The following TENT4A variants were observed in gnomAD, a reference collection of about 807,000 sequenced individuals.
The protein encoded by TENT4A is DNA polymerase kappa.
Under a neutral mutation model 72.8 loss-of-function variants are expected in TENT4A, and 7 were observed. The observed-to-expected ratio is 0.10, with a 90% CI of 0.05 to 0.18. The LOEUF (loss-of-function observed/expected upper bound fraction) is 0.18. Among genes scored for constraint, TENT4A ranks in the 10% least tolerant of loss-of-function variants. The pLI, the probability that TENT4A is intolerant of heterozygous loss-of-function variation, is 1.00. For synonymous variants in TENT4A, 456 were observed against 434.3 expected (o/e 1.05, Z -0.62); for missense variants, 831 against 1,017.7 (o/e 0.82, Z 2.50).
intron 1 of TENT4A, among the ~76,000 whole-genome samples, chr5:6,727,205 T>C (rs763211300): frequency 6.6e-6 from 1 of 152,198 alleles, no homozygotes; most frequent in African/African-American, 2.4e-5. Context: ...CCTTTTCCAC[T>C]GTGTTGCCCT....
chr5:6,726,466 T>C (rs1328316534), intron 1 of TENT4A, among the ~76,000 whole-genome samples: 1 of 152,180 alleles, frequency 6.6e-6, no homozygotes, highest in Non-Finnish European at 1.5e-5. Context: ...AGCTCAGTCC[T>C]GTGGTCCTGC....
intron 1 of TENT4A, among the ~76,000 whole-genome samples, chr5:6,721,742 G>A (rs1013043006): frequency 6.6e-6 from 1 of 152,234 alleles, no homozygotes; most frequent in Non-Finnish European, 1.5e-5. Flanking sequence ...GAGGGTCCCT[G>A]TTGGCAGAGA....
rs28433511 is a variant in TENT4A at position 6,733,873 on chromosome 5, G to A, written c.717-3637G>A. 4.7e-3 allele frequency among the ~76,000 whole-genome samples: 722 copies of A among 152,234 alleles called. 5 individuals are homozygous for A. The highest frequency in any genetic ancestry group is 0.013 in the African/African-American group (526 of 41,524). Reference sequence around the variant, plus strand: ...TAAGGCAGTGAAAAGTCCTGGCAGTGTTAGTATTGAATGAGATAATCCAAA... The same window carrying A: ...TAAGGCAGTGAAAAGTCCTGGCAGTATTAGTATTGAATGAGATAATCCAAA... On this transcript the variant is annotated intron_variant, in intron 1 of 12. Transcript: ENST00000230859.
At chr5:6,738,960 G>C (rs1390262685) in intron 3 of TENT4A, among the ~76,000 whole-genome samples, 4 of 152,228 alleles carry the variant, frequency 2.6e-5, no homozygotes, top group Admixed American at 1.3e-4. Context: ...GTGCAAAAAT[G>C]CTTCATGCTG....
At chr5:6,745,195 G>A (rs368818330) in intron 6 of TENT4A, among the ~76,000 whole-genome samples, 4 of 152,230 alleles carry the variant, frequency 2.6e-5, no homozygotes, top group African/African-American at 9.6e-5. Flanking sequence ...ATAAGGAAGG[G>A]AATAAAGGTC....
Position 6,749,748 on chromosome 5 carries a change from A to C in TENT4A, c.1687+91A>C. The C allele has an allele frequency of 1.3e-5, 11 of 823,190 alleles. No individual in the cohort carries two copies. The South Asian group carries it at 1.5e-4, about 11-fold the overall frequency. 51.0% of individuals were successfully genotyped at this position (823,190 alleles called of 1,614,324 possible). ...TATTCCTTTGTGGTAAATTGGTCAAATTAAGAAAATAGCTAGTTTTTCTGA... is the reference window on the plus strand; with the variant it reads ...TATTCCTTTGTGGTAAATTGGTCAACTTAAGAAAATAGCTAGTTTTTCTGA... On this transcript the variant is annotated intron_variant, in intron 9 of 12. Transcript: ENST00000230859.
At chr5:6,750,771 G>A in intron 10 of TENT4A, 1 of 547,786 alleles carries the variant, frequency 1.8e-6, no homozygotes, top group Non-Finnish European at 3.2e-6. Context: ...ACTTCCTTGA[G>A]TAGTTTTTAA....
At chr5:6,719,713 G>A (rs1740555328) in intron 1 of TENT4A, among the ~76,000 whole-genome samples, 2 of 152,224 alleles carry the variant, frequency 1.3e-5, no homozygotes. Flanking sequence ...GCCTGAGTGA[G>A]GTGGCCAGGA....
chr5:6,746,627 G>C (rs942406161), intron 7 of TENT4A, among the ~76,000 whole-genome samples, 200 bp downstream of exon 7: 4 of 152,072 alleles, frequency 2.6e-5, no homozygotes, highest in Middle Eastern at 3.2e-3. Context: ...CTTTCTAACT[G>C]TTTACATTCT....
At chr5:6,736,403 C>A (rs1007425939) in intron 1 of TENT4A, among the ~76,000 whole-genome samples, 1 of 152,182 alleles carries the variant, frequency 6.6e-6, no homozygotes, top group African/African-American at 2.4e-5. Flanking sequence ...GCCAGCTGTT[C>A]GTTGGCCCTG....
At chr5:6,714,834 T>C (rs1579441885) in intron 1 of TENT4A, 135 bp downstream of exon 1, 1 of 377,646 alleles carries the variant, frequency 2.6e-6, no homozygotes, top group South Asian at 1.3e-4. Context: ...GGCCCGACTC[T>C]GCACTGAAAG....
intron 1 of TENT4A, among the ~76,000 whole-genome samples, chr5:6,723,198 T>C (rs1740745873): frequency 6.6e-6 from 1 of 152,022 alleles, no homozygotes; most frequent in African/African-American, 2.4e-5. Flanking sequence ...AAAGCCGCTG[T>C]TTTAATAGCA....
Position 6,751,191 on chromosome 5 carries a change from C to G in TENT4A, c.2013C>G (p.Asn671Lys). 1 of 1,614,242 alleles carries G rather than the reference C, an allele frequency of 6.2e-7. No homozygotes were observed. Among genetic ancestry groups the G allele is most frequent in the Non-Finnish European group, 8.5e-7 (1 of 1,180,042 alleles). ...CCAGAACACTGATCATGACAACCAACAATCAGGTACGTGGCCCTCTGGCAC... is the reference window on the plus strand; with the variant it reads ...CCAGAACACTGATCATGACAACCAAGAATCAGGTACGTGGCCCTCTGGCAC... ...TTSRTLIMTT[N>K]NQTRFTIPPP... Residue 671 changes from asparagine to lysine, a missense_variant, in exon 11 of 13, where the codon AAC becomes AAG. This residue lies in a region of TENT4A where 332 missense variants were observed against 324.3 expected (regional missense o/e 1.02). Coordinates refer to ENST00000230859, the MANE Select transcript of TENT4A (RefSeq NM_006999.6).
Position 6,739,781 on chromosome 5 carries a change from C to G in TENT4A, c.937C>G (p.Leu313Val). 1 of 1,614,138 alleles carries G rather than the reference C, an allele frequency of 6.2e-7. No homozygotes were observed. The highest frequency in any genetic ancestry group is 1.7e-5 in the Admixed American group (1 of 60,026). Residue 313 changes from leucine (L) to valine (V), a missense_variant, in exon 4 of 13, where the codon CTG (leucine) becomes GTG (valine). By Grantham distance (32) the Leu-to-Val change is conservative. Coordinates refer to ENST00000230859, the MANE Select transcript of TENT4A (RefSeq NM_006999.6). ...GAAATGGGAGCGTCCTCCTTTACAG[C>G]TGCTGGAGCAAGCCCTGCGGAAGCA... ...FGKWERPPLQ[L>V]LEQALRKHNV...
intron 12 of TENT4A, among the ~76,000 whole-genome samples, chr5:6,753,888 C>G (rs922639324): frequency 3.9e-5 from 6 of 152,258 alleles, no homozygotes; most frequent in Non-Finnish European, 8.8e-5. Context: ...AACAACTTCG[C>G]ACACCGGCCT....
intron 9 of TENT4A, 30 bp from the exon 10 acceptor site, chr5:6,750,301 G>GGTCGCCGTA: frequency 6.3e-7 from 1 of 1,588,782 alleles, no homozygotes; most frequent in Admixed American, 1.8e-5. Context: ...GTTCTCAGGA[G>GGTCGCCGTA]TTATTAACCA....
At chr5:6,743,097 A>G (rs1178942041) in intron 5 of TENT4A, among the ~76,000 whole-genome samples, 1 of 152,110 alleles carries the variant, frequency 6.6e-6, no homozygotes, top group Non-Finnish European at 1.5e-5. Flanking sequence ...GCAGGGGCAG[A>G]CGCACCTCCG....
rs1356189391 is a variant in TENT4A, at chr5:6,750,362, C to T, written c.1719C>T (p.Ala573=). 1.2e-6 allele frequency: 2 copies of T among 1,612,566 alleles called. No homozygotes were observed. Among genetic ancestry groups the T allele is most frequent in the East Asian group, 2.2e-5 (1 of 44,706 alleles). Residue 573 remains alanine (A), a synonymous_variant, in exon 10 of 13, where the codon GCC becomes GCT. Coordinates refer to ENST00000230859, the MANE Select transcript of TENT4A (RefSeq NM_006999.6). ...GGATCAAGATCAAAGAGCGAATAGC[C>T]ACATGCAATGGGGAGCAGACGCAGA... The part of the protein sequence containing the change: ...DSRIKIKERI[A]TCNGEQTQNR...
intron 1 of TENT4A, among the ~76,000 whole-genome samples, chr5:6,727,286 A>G (rs114921429): frequency 6.6e-6 from 1 of 151,248 alleles, no homozygotes; most frequent in Non-Finnish European, 1.5e-5. Context: ...AACCCCTCCC[A>G]CCTTGCCCCT....
Sources: allele counts gnomAD v4.1 joint callset (sites outside exome capture counted in the v4.1 genomes callset), GRCh38; gene constraint gnomAD v4.1.1; regional missense constraint gnomAD v4.1.1; transcripts MANE v1.5; gene names NCBI Gene and HGNC (gene_info 2026-07-23, HGNC 2026-07-21).